Variants in ADPRM observed in about 807,000 individuals in gnomAD.
ADPRM encodes manganese-dependent ADP-ribose/CDP-alcohol diphosphatase.
In ADPRM, 17 loss-of-function variants were observed where a neutral mutation model predicts 27.2. The observed-to-expected ratio is 0.63, with a 90% CI of 0.43 to 0.94. ADPRM has a LOEUF of 0.94. Ranked by LOEUF, ADPRM falls within the 40% of genes least tolerant of loss-of-function variation. The pLI, the probability that ADPRM is intolerant of heterozygous loss-of-function variation, is 0.00. For synonymous variants in ADPRM, 135 were observed against 145.3 expected (o/e 0.93, Z 0.51); for missense variants, 337 against 412.8 (o/e 0.82, Z 1.59).
In ADPRM at chr17:10,705,627, T is replaced by C; in HGVS notation, c.601+100T>C. 1 of 1,480,078 alleles carries C rather than the reference T, an allele frequency of 6.8e-7. No homozygotes were observed. The highest frequency in any genetic ancestry group is 9.0e-7 in the Non-Finnish European group (1 of 1,112,598). 91.7% of individuals were successfully genotyped at this position (1,480,078 alleles called of 1,614,324 possible). The stretch of plus-strand genomic sequence containing the variant: ...GATGGACAATTAAGGTAAAAGTATA[T>C]TGTCACTTGTTCAGGGTCAGGATTT... On this transcript the variant is annotated intron_variant, in intron 2 of 3. Coordinates refer to ENST00000379774, the MANE Select transcript of ADPRM (RefSeq NM_020233.5). This position sits in a 1 kb window ranked among gnomAD's most constrained non-coding sequence, Gnocchi z 5.4.
At chr17:10,697,958 T>A (rs2074746537) in intron 1 of ADPRM, 1 of 173,540 alleles carries the variant, frequency 5.8e-6, no homozygotes, top group Non-Finnish European at 1.2e-5. Flanking sequence ...GCCGACTTTG[T>A]CAACCTCGTC....
In ADPRM at chr17:10,697,615, C is replaced by A; in HGVS notation, c.-70C>A. The stretch of plus-strand genomic sequence containing the variant: ...CTCTGTCCGTCCCGCTCGTTGGTGG[C>A]GCTGTTACATAGCCCGTAGTCAGAG... On this transcript the variant is annotated 5_prime_UTR_variant, in exon 1 of 4. Coordinates refer to ENST00000379774, the MANE Select transcript of ADPRM (RefSeq NM_020233.5). 7.2e-7 allele frequency: 1 copy of A among 1,384,218 alleles called. No individual in the cohort carries two copies. 85.7% of individuals were successfully genotyped at this position (1,384,218 alleles called of 1,614,324 possible).
rs1307806490 is a variant in ADPRM, at chr17:10,711,105, A to G, written c.990A>G (p.Arg330=). The G allele has an allele frequency of 1.2e-6, 2 of 1,611,532 alleles. No individual in the cohort carries two copies. The highest frequency in any genetic ancestry group is 8.5e-7 in the Non-Finnish European group (1 of 1,177,930). The change falls in exon 4 of 4, where the codon AGA becomes AGG. Residue 330 remains arginine (R), a synonymous_variant. Coordinates refer to ENST00000379774, the MANE Select transcript of ADPRM (RefSeq NM_020233.5). ...AAGGGAGAGGCAGAGTTCCAGATAGAATTATGAATTACAAGAAAGAAAGAG... is the reference window on the plus strand; with the variant it reads ...AAGGGAGAGGCAGAGTTCCAGATAGGATTATGAATTACAAGAAAGAAAGAG... ...MLKGRGRVPD[R]IMNYKKERAF...
chr17:10,705,416 G>C lies in ADPRM; in HGVS notation c.490G>C (p.Asp164His), dbSNP rs2074806568. The change falls in exon 2 of 4, where the codon GAT (aspartate) becomes CAT (histidine). Residue 164 changes from aspartate (D) to histidine (H), a missense_variant. Coordinates refer to ENST00000379774, the MANE Select transcript of ADPRM (RefSeq NM_020233.5). The surrounding 1 kb of genome is among the most constrained non-coding windows in gnomAD (Gnocchi z 5.4). ...PFPKFRFILL[D>H]AYDLSVLGVD... ...CCCTAAATTCCGGTTCATTTTACTT[G>C]ATGCATATGACTTGAGTGTCTTGGG... is the stretch of plus-strand genomic sequence containing the variant. The C allele has an allele frequency of 6.2e-7, 1 of 1,613,852 alleles. No individual in the cohort carries two copies. Among genetic ancestry groups the C allele is most frequent in the Non-Finnish European group, 8.5e-7 (1 of 1,180,014 alleles).
intron 3 of ADPRM, among the ~76,000 whole-genome samples, chr17:10,709,817 T>A (rs545988860): frequency 6.6e-6 from 1 of 152,340 alleles, no homozygotes; most frequent in African/African-American, 2.4e-5. Context: ...AGTGATTTAA[T>A]GGGAAGATGC....
At chr17:10,708,389 A>T (rs895294444) in intron 3 of ADPRM, among the ~76,000 whole-genome samples, 1 of 133,926 alleles carries the variant, frequency 7.5e-6, no homozygotes, top group African/African-American at 2.9e-5. Context: ...AGATCACCCC[A>T]CTGCACTCCA....
At chr17:10,707,243 T>C (rs1455486667) in intron 3 of ADPRM, among the ~76,000 whole-genome samples, 1 of 151,998 alleles carries the variant, frequency 6.6e-6, no homozygotes, top group Non-Finnish European at 1.5e-5. Context: ...GGCATGGTGG[T>C]GCGTGCCTGT....
chr17:10,699,055 A>G (rs995032152), intron 1 of ADPRM: 13 of 152,226 alleles, frequency 8.5e-5, no homozygotes, highest in African/African-American at 3.1e-4. Context: ...TGCTTCTTTT[A>G]GTAGCAACTT....
At position 10,705,714 on chromosome 17, in the gene ADPRM, T is replaced by A. The variant is rs559425219; in HGVS notation, c.601+187T>A. 52 of 980,336 alleles carry A rather than the reference T, an allele frequency of 5.3e-5. No individual in the cohort carries two copies. In the Middle Eastern group the frequency reaches 1.0e-3, roughly 19 times the overall value. 60.7% of individuals were successfully genotyped at this position (980,336 alleles called of 1,614,324 possible). A position where few individuals can be genotyped will look rare whatever the true frequency, so the allele number is the denominator to read the frequency against. ...TTCAAGATTGATTTAACAGATATTT[T>A]AAATGCCTATTTTAGGCCAGGCACT... is the stretch of plus-strand genomic sequence containing the variant. On this transcript the variant is annotated intron_variant, in intron 2 of 3. Transcript: ENST00000379774. The surrounding 1 kb of genome is among the most constrained non-coding windows in gnomAD (Gnocchi z 5.4).
At chr17:10,701,422 C>T (rs1354280163) in intron 1 of ADPRM, among the ~76,000 whole-genome samples, 3 of 152,070 alleles carry the variant, frequency 2.0e-5, no homozygotes, top group Admixed American at 1.3e-4. Flanking sequence ...GCTCCGCCTC[C>T]CAGGTTCACA....
intron 1 of ADPRM, among the ~76,000 whole-genome samples, chr17:10,699,561 C>T (rs1283816561): frequency 1.6e-4 from 21 of 134,686 alleles, no homozygotes; most frequent in Non-Finnish European, 2.8e-4. Context: ...CTCCCTCTGT[C>T]GCCCAAGCTG....
Position 10,703,742 on chromosome 17 carries a change from A to G in ADPRM, c.-17-1168A>G, listed in dbSNP as rs1340611719. ...ATTTTAGAAAGTCAAATGAATTTTT[A>G]GGTTTTAAATAATTCAGACACCACA... On this transcript the variant is annotated intron_variant, in intron 1 of 3. Coordinates refer to ENST00000379774, the MANE Select transcript of ADPRM (RefSeq NM_020233.5). Among the ~76,000 whole-genome samples, 3 of 152,222 alleles carry G rather than the reference A, an allele frequency of 2.0e-5. No individual in the cohort carries two copies. In the East Asian group the frequency reaches 5.8e-4, roughly 29 times the overall value.
At chr17:10,703,858 G>A (rs2074795479) in intron 1 of ADPRM, among the ~76,000 whole-genome samples, 2 of 152,080 alleles carry the variant, frequency 1.3e-5, no homozygotes, top group Admixed American at 1.3e-4. Flanking sequence ...TTAGCGTTCT[G>A]GGCTCTTTTA....
intron 3 of ADPRM, among the ~76,000 whole-genome samples, chr17:10,707,817 G>T (rs902149740): frequency 4.6e-5 from 7 of 152,152 alleles, no homozygotes; most frequent in Non-Finnish European, 8.8e-5. Flanking sequence ...ATTTTTGATG[G>T]GTACACTGCC....
At position 10,705,701 on chromosome 17, in the gene ADPRM, T is replaced by G. The variant is rs1281760513; in HGVS notation, c.601+174T>G. On this transcript the variant is annotated intron_variant, in intron 2 of 3. Coordinates refer to ENST00000379774, the MANE Select transcript of ADPRM (RefSeq NM_020233.5). The surrounding 1 kb of genome is among the most constrained non-coding windows in gnomAD (Gnocchi z 5.4). ...TGGTTACAGTTGATTCAAGATTGAT[T>G]TAACAGATATTTTAAATGCCTATTT... 1 of 1,088,422 alleles carries G rather than the reference T, an allele frequency of 9.2e-7. No homozygotes were observed. Among genetic ancestry groups the G allele is most frequent in the Admixed American group, 2.9e-5 (1 of 34,058 alleles). 67.4% of individuals were successfully genotyped at this position (1,088,422 alleles called of 1,614,324 possible).
chr17:10,708,070 A>C (rs2074825787), intron 3 of ADPRM, among the ~76,000 whole-genome samples: 1 of 152,152 alleles, frequency 6.6e-6, no homozygotes, highest in South Asian at 2.1e-4. Flanking sequence ...TGAACTGTGT[A>C]GTCCTGGGCA....
chr17:10,710,504 G>A (rs2074844104), intron 3 of ADPRM, among the ~76,000 whole-genome samples: 1 of 152,220 alleles, frequency 6.6e-6, no homozygotes, highest in Non-Finnish European at 1.5e-5. Flanking sequence ...GTTTCAGGCT[G>A]CCTTTGCAGA....
intron 3 of ADPRM, among the ~76,000 whole-genome samples, chr17:10,709,401 TCAC>T (rs951260606): frequency 6.6e-6 from 1 of 151,980 alleles, no homozygotes; most frequent in Non-Finnish European, 1.5e-5. Flanking sequence ...CACTAAGAGA[TCAC>T]CAGTGCATTC....
chr17:10,697,736 G>C, intron 1 of ADPRM, 69 bp downstream of exon 1: 1 of 619,788 alleles, frequency 1.6e-6, no homozygotes, highest in Non-Finnish European at 2.8e-6. Flanking sequence ...CCGCGGGACA[G>C]CGGAGCGCCG....
Sources: gnomAD v4.1 joint callset for allele counts (sites outside exome capture counted in the v4.1 genomes callset) on GRCh38, gnomAD v4.1.1 for gene constraint, Gnocchi (gnomAD v3.1) non-coding constraint, MANE v1.5 for transcripts, NCBI Gene and HGNC (gene_info 2026-07-23, HGNC 2026-07-21) for gene names.